NXPE2: variants seen among roughly 807,000 people sequenced by gnomAD.
NXPE2 encodes the protein NXPE family member 2.
In NXPE2, 34 loss-of-function variants were observed where a neutral mutation model predicts 34.4. The observed-to-expected ratio is 0.99, with a 90% confidence interval of 0.75 to 1.31. NXPE2 has a LOEUF of 1.31. NXPE2 is among the 40% of genes most tolerant of loss of function. The pLI, the probability that NXPE2 is intolerant of heterozygous loss-of-function variation, is 0.00. For synonymous variants in NXPE2, 235 were observed against 231.3 expected (o/e 1.02, Z -0.15); for missense variants, 649 against 672.5 (o/e 0.97, Z 0.39).
chr11:114,617,676 G>A, the NXPE2 span, among the ~76,000 whole-genome samples: 38 of 151,910 alleles, frequency 2.5e-4, no homozygotes, highest in South Asian at 1.5e-3. Context: ...ACTGTTACCC[G>A]GTGGATAAAA....
chr11:114,530,785 C>G, the NXPE2 span: 2 of 1,614,142 alleles, frequency 1.2e-6, no homozygotes, highest in Non-Finnish European at 1.7e-6. Context: ...TCTATGATTT[C>G]CTTTATTCTG....
chr11:114,502,098 C>T, the NXPE2 span, among the ~76,000 whole-genome samples: 1 of 152,236 alleles, frequency 6.6e-6, no homozygotes, highest in African/African-American at 2.4e-5. Flanking sequence ...CCACTAAATG[C>T]CAGTTAGCAC....
chr11:114,586,463 C>G, the NXPE2 span, among the ~76,000 whole-genome samples: 1,894 of 152,282 alleles, frequency 0.012, 38 homozygotes, highest in African/African-American at 0.043. Context: ...AAATACTGGG[C>G]CCCCAATCAG....
the NXPE2 span, among the ~76,000 whole-genome samples, chr11:114,776,165 C>T: frequency 1.3e-5 from 2 of 152,252 alleles, no homozygotes; most frequent in African/African-American, 4.8e-5. Flanking sequence ...AGGGTGGCTG[C>T]ACAGCAGCCT....
At chr11:114,774,261 G>T in the NXPE2 span, among the ~76,000 whole-genome samples, 14 of 152,212 alleles carry the variant, frequency 9.2e-5, no homozygotes, top group African/African-American at 3.1e-4. Flanking sequence ...ACATGGAAAT[G>T]CAGAGAAAAA....
At chr11:114,622,477 A>G in the NXPE2 span, among the ~76,000 whole-genome samples, 2 of 151,870 alleles carry the variant, frequency 1.3e-5, no homozygotes, top group African/African-American at 4.8e-5. Flanking sequence ...GTATTGCCTC[A>G]TGGATAACCA....
the NXPE2 span, among the ~76,000 whole-genome samples, chr11:114,531,706 C>T: frequency 6.6e-6 from 1 of 152,128 alleles, no homozygotes; most frequent in Non-Finnish European, 1.5e-5. Context: ...TCCTGTCTTT[C>T]AGCTCTTGCT....
At chr11:114,519,329 A>T in the NXPE2 span, among the ~76,000 whole-genome samples, 1 of 152,182 alleles carries the variant, frequency 6.6e-6, no homozygotes, top group South Asian at 2.1e-4. Flanking sequence ...TATCCCATTA[A>T]CACTTATTCC....
chr11:114,711,260 CA>C (rs1441929241), downstream of NXPE2, among the ~76,000 whole-genome samples: 2 of 151,430 alleles, frequency 1.3e-5, no homozygotes, highest in Non-Finnish European at 1.5e-5. Flanking sequence ...CAAAACAAAA[CA>C]AAAAAATTTT....
the NXPE2 span, among the ~76,000 whole-genome samples, chr11:114,804,105 C>T: frequency 6.6e-6 from 1 of 152,246 alleles, no homozygotes; most frequent in Non-Finnish European, 1.5e-5. Context: ...TGCAATGCAC[C>T]TGACTGCAGT....
chr11:114,653,797 G>A, the NXPE2 span, among the ~76,000 whole-genome samples: 1 of 151,756 alleles, frequency 6.6e-6, no homozygotes, highest in Non-Finnish European at 1.5e-5. Context: ...CAAAGTGCTG[G>A]GATTACAGGC....
chr11:114,628,041 A>G, the NXPE2 span, among the ~76,000 whole-genome samples: 175 of 151,236 alleles, frequency 1.2e-3, 1 homozygote, highest in East Asian at 0.032. Flanking sequence ...TGACCTACAA[A>G]GAGACTTAGA....
chr11:114,582,848 G>A, the NXPE2 span: 290 of 1,614,178 alleles, frequency 1.8e-4, 4 homozygotes, highest in South Asian at 2.3e-3. Context: ...TGGTGTTCAC[G>A]TGGGTGAAAG....
At chr11:114,724,429 T>C in the NXPE2 span, among the ~76,000 whole-genome samples, 25 of 152,200 alleles carry the variant, frequency 1.6e-4, no homozygotes, top group Non-Finnish European at 2.5e-4. Context: ...TAATGAGTAA[T>C]GTAATAGCCA....
chr11:114,625,405 C>A, the NXPE2 span, among the ~76,000 whole-genome samples: 2 of 152,146 alleles, frequency 1.3e-5, no homozygotes, highest in Non-Finnish European at 2.9e-5. Context: ...ATAAGTATTG[C>A]CTCATGGGCA....
chr11:114,484,554 A>T, the NXPE2 span, among the ~76,000 whole-genome samples: 1 of 151,598 alleles, frequency 6.6e-6, no homozygotes, highest in South Asian at 2.1e-4. Context: ...GCCAGACTTG[A>T]CTCTCTTGAT....
the NXPE2 span, among the ~76,000 whole-genome samples, chr11:114,773,288 C>CG: frequency 3.2e-3 from 303 of 95,890 alleles, 5 homozygotes; most frequent in African/African-American, 8.9e-3. Flanking sequence ...CACCCCCCCC[C>CG]CACCCCATTC....
At chr11:114,745,841 A>G in the NXPE2 span, among the ~76,000 whole-genome samples, 11 of 152,182 alleles carry the variant, frequency 7.2e-5, no homozygotes, top group Non-Finnish European at 7.4e-5. Context: ...AATGTTATAT[A>G]ATGTTACAAA....
chr11:114,618,354 T>C, the NXPE2 span, among the ~76,000 whole-genome samples: 3 of 152,002 alleles, frequency 2.0e-5, no homozygotes, highest in Non-Finnish European at 4.4e-5. Context: ...ACCTGGTCAA[T>C]AATAAGTGTT....
Sources: allele counts gnomAD v4.1 joint callset (sites outside exome capture counted in the v4.1 genomes callset), GRCh38; gene constraint gnomAD v4.1.1; transcripts MANE v1.5; gene names NCBI Gene and HGNC (gene_info 2026-07-23, HGNC 2026-07-21).